Variants in BEND7 observed in about 807,000 individuals in gnomAD.
The protein encoded by BEND7 is BEN domain containing 7.
BEND7 carries 28 observed loss-of-function variants against 50.9 expected under a neutral mutation model. The ratio of observed to expected loss-of-function variants is 0.55; its 90% CI spans 0.41 to 0.75. The LOEUF is 0.75. Among genes scored for constraint, BEND7 ranks in the 30% least tolerant of loss-of-function variants. BEND7 has a pLI of 0.00. For synonymous variants in BEND7, 170 were observed against 183.9 expected (o/e 0.92, Z 0.61); for missense variants, 477 against 491.3 (o/e 0.97, Z 0.28).
At chr10:13,485,416 G>A (rs2076155272) in intron 5 of BEND7, among the ~76,000 whole-genome samples, 3 of 152,166 alleles carry the variant, frequency 2.0e-5, no homozygotes, top group South Asian at 4.1e-4. Context: ...ACCTTTGCAG[G>A]CACGTGCACA....
Position 13,480,987 on chromosome 10 carries a change from C to T in BEND7, c.975G>A (p.Leu325=). ...TCTTCCCATTGGGTAAGGAGTTAGC[C>T]AAAGTCTTGTCATCAAAAAACGCAC... The part of the protein sequence containing the change: ...LVCAFFDDKT[L]ANSLPNGKRK... The change falls in exon 6 of 9, where the codon TTG becomes TTA. Residue 325 remains leucine (L), a synonymous_variant. Coordinates refer to ENST00000466271, the MANE Select transcript of BEND7 (RefSeq NM_001369863.1). The T allele has an allele frequency of 6.2e-7, 1 of 1,614,108 alleles. No homozygotes were observed. Among genetic ancestry groups the T allele is most frequent in the South Asian group, 1.1e-5 (1 of 91,072 alleles).
intron 6 of BEND7, among the ~76,000 whole-genome samples, chr10:13,476,007 T>G (rs2075401966): frequency 1.3e-5 from 2 of 152,224 alleles, no homozygotes; most frequent in African/African-American, 4.8e-5. Context: ...AGAACGCAGA[T>G]AAGTTACTAT....
chr10:13,469,286 G>A (rs1214523480), intron 6 of BEND7, among the ~76,000 whole-genome samples: 1 of 152,082 alleles, frequency 6.6e-6, no homozygotes, highest in Non-Finnish European at 1.5e-5. Flanking sequence ...TTGGAAACAC[G>A]GTCCATACAG....
At chr10:13,518,415 G>C in intron 2 of BEND7, among the ~76,000 whole-genome samples, 1 of 152,244 alleles carries the variant, frequency 6.6e-6, no homozygotes, top group East Asian at 1.9e-4. Flanking sequence ...GTTTGTTGGT[G>C]TGATCTTTAA....
rs148028257 is a variant in BEND7 at position 13,469,139 on chromosome 10, A to G, written c.1063+11760T>C. Among the ~76,000 whole-genome samples the G allele has an allele frequency of 1.2e-4, 18 of 152,304 alleles. 1 individual carries two copies. The East Asian group carries it at 3.5e-3, about 29-fold the overall frequency. ...AGGTGCTTAAAATAACGAAGATTGG[A>G]TTTACTCTGTCATCCAAGGGGTAGG... On this transcript the variant is annotated intron_variant, in intron 6 of 8. Coordinates refer to ENST00000466271, the MANE Select transcript of BEND7 (RefSeq NM_001369863.1).
intron 7 of BEND7, among the ~76,000 whole-genome samples, chr10:13,451,173 C>T (rs1564509641): frequency 6.6e-6 from 1 of 151,382 alleles, no homozygotes; most frequent in African/African-American, 2.4e-5. Flanking sequence ...GAATAGCCTT[C>T]TACAGAATTT....
At chr10:13,487,859 G>A (rs1007274884) in intron 5 of BEND7, among the ~76,000 whole-genome samples, 4 of 151,990 alleles carry the variant, frequency 2.6e-5, no homozygotes, top group Non-Finnish European at 4.4e-5. Context: ...TTGCGAGGAC[G>A]AGGCGGATGG....
At chr10:13,512,910 G>A (rs897779426) in intron 2 of BEND7, among the ~76,000 whole-genome samples, 7 of 152,294 alleles carry the variant, frequency 4.6e-5, no homozygotes, top group South Asian at 2.1e-4. Context: ...AGTGAGTCTC[G>A]TGGGAAATCT....
At chr10:13,446,496 G>A (rs536916406) in intron 8 of BEND7, 1 of 152,288 alleles carries the variant, frequency 6.6e-6, no homozygotes, top group Non-Finnish European at 1.5e-5. Flanking sequence ...TGGGTTTTGT[G>A]GGCAGAGAAT....
chr10:13,523,957 T>C (rs1452983822), intron 2 of BEND7, among the ~76,000 whole-genome samples: 1 of 152,210 alleles, frequency 6.6e-6, no homozygotes, highest in Non-Finnish European at 1.5e-5. Context: ...TGTCTCTTGA[T>C]GTTGAAGGCC....
downstream of BEND7, among the ~76,000 whole-genome samples, chr10:13,440,337 G>C (rs932702078): frequency 1.8e-4 from 27 of 152,376 alleles, no homozygotes; most frequent in African/African-American, 6.5e-4. Context: ...GAGGACTGGA[G>C]CCTGACTCCA....
chr10:13,510,682 A>AG lies in BEND7; in HGVS notation c.146-10603dup, dbSNP rs565518874. 2.8e-4 allele frequency among the ~76,000 whole-genome samples: 42 copies of AG among 152,344 alleles called. 1 individual carries two copies. The South Asian group carries it at 7.2e-3, about 26-fold the overall frequency. ...TCATCTCATTCGCTACAGGATAACT[A>AG]GGGGCTAAATCTGCCTGGTTCCAAA... On this transcript the variant is annotated intron_variant, in intron 2 of 8. Coordinates refer to ENST00000466271, the MANE Select transcript of BEND7 (RefSeq NM_001369863.1).
intron 6 of BEND7, among the ~76,000 whole-genome samples, chr10:13,478,679 T>G (rs1004231209): frequency 5.9e-5 from 9 of 152,212 alleles, no homozygotes; most frequent in Admixed American, 5.2e-4. Context: ...AAATAAATAT[T>G]ATTTTTGTAA....
intron 6 of BEND7, among the ~76,000 whole-genome samples, chr10:13,454,844 G>A (rs1838570713): frequency 6.6e-6 from 1 of 152,212 alleles, no homozygotes; most frequent in South Asian, 2.1e-4. Context: ...GAACACACTG[G>A]TTTAAGAGGC....
chr10:13,443,012 G>A (rs190270719), intron 8 of BEND7: 4 of 152,208 alleles, frequency 2.6e-5, no homozygotes, highest in East Asian at 1.9e-4. Context: ...AAATAAATAC[G>A]TTTCAAAGCT....
At chr10:13,475,499 T>C (rs555597245) in intron 6 of BEND7, among the ~76,000 whole-genome samples, 1 of 152,348 alleles carries the variant, frequency 6.6e-6, no homozygotes, top group South Asian at 2.1e-4. Context: ...ATCTCTTTCT[T>C]GATGGAAGGG....
At chr10:13,438,794 G>T (rs1009512612), downstream of BEND7, 1 of 200,350 alleles carries the variant, frequency 5.0e-6, no homozygotes, top group Non-Finnish European at 1.0e-5. Context: ...GGGATACAGC[G>T]GAAAGGAGAG....
At chr10:13,506,440 G>C (rs2077898311) in intron 2 of BEND7, among the ~76,000 whole-genome samples, 1 of 152,146 alleles carries the variant, frequency 6.6e-6, no homozygotes, top group African/African-American at 2.4e-5. Flanking sequence ...CTGCGAGCCA[G>C]GAGTTTAAGA....
intron 2 of BEND7, among the ~76,000 whole-genome samples, chr10:13,518,578 A>T (rs1164199820): frequency 6.6e-6 from 1 of 152,218 alleles, no homozygotes; most frequent in Non-Finnish European, 1.5e-5. Context: ...ATAAGGAACA[A>T]GCAGAACAAA....
Sources: allele counts gnomAD v4.1 joint callset (sites outside exome capture counted in the v4.1 genomes callset), GRCh38; gene constraint gnomAD v4.1.1; transcripts MANE v1.5; gene names NCBI Gene and HGNC (gene_info 2026-07-23, HGNC 2026-07-21).